The following CYP39A1 variants were observed in gnomAD, a reference collection of about 807,000 sequenced individuals.
CYP39A1 encodes cytochrome P450 family 39 subfamily A member 1.
A neutral mutation model predicts 58.1 loss-of-function variants in CYP39A1; 49 were observed. The ratio of observed to expected loss-of-function variants is 0.84; its 90% CI spans 0.67 to 1.07. The LOEUF (loss-of-function observed/expected upper bound fraction) is 1.07. CYP39A1 is among the 50% of genes least tolerant of loss of function. The probability of loss-of-function intolerance (pLI) is 0.00; values close to 1 mark genes in which losing one functional copy is unlikely to be tolerated. For missense variants in CYP39A1, 531 were observed against 539.4 expected (o/e 0.98, Z 0.16); for synonymous variants, 209 against 187.6 (o/e 1.11, Z -0.93).
chr6:46,573,429 A>G (rs772442922), intron 10 of CYP39A1, among the ~76,000 whole-genome samples: 40 of 152,102 alleles, frequency 2.6e-4, no homozygotes, highest in Non-Finnish European at 5.1e-4. Context: ...CCAAGGTTGT[A>G]GATGTATTTG....
intron 1 of CYP39A1, 67 bp downstream of exon 1, chr6:46,652,339 A>G: frequency 6.8e-7 from 1 of 1,470,030 alleles, no homozygotes; most frequent in Non-Finnish European, 9.2e-7. Flanking sequence ...CTTAAGAGTC[A>G]ATGAAAGAAA....
chr6:46,563,791 G>GGAC (rs1429622020), intron 10 of CYP39A1, among the ~76,000 whole-genome samples: 5 of 152,142 alleles, frequency 3.3e-5, no homozygotes, highest in African/African-American at 1.2e-4. Flanking sequence ...GGGGAGGAGT[G>GGAC]GACACTCTGT....
At chr6:46,616,430 T>C (rs994747605) in intron 7 of CYP39A1, among the ~76,000 whole-genome samples, 2 of 151,458 alleles carry the variant, frequency 1.3e-5, no homozygotes, top group African/African-American at 2.4e-5. Flanking sequence ...AGCTAACAAT[T>C]TTTTTAAGAG....
At chr6:46,629,768 G>A (rs577261943) in intron 6 of CYP39A1, among the ~76,000 whole-genome samples, 50 of 152,252 alleles carry the variant, frequency 3.3e-4, no homozygotes, top group Middle Eastern at 6.8e-3. Context: ...AAATCCTCCT[G>A]TTTAGTAGAA....
At chr6:46,583,410 AG>A in intron 10 of CYP39A1, 1 of 985,364 alleles carries the variant, frequency 1.0e-6, no homozygotes, top group South Asian at 4.7e-5. Flanking sequence ...CAACTCTCAG[AG>A]GTGCTCACTC....
chr6:46,646,653 A>T (rs2150607404), intron 1 of CYP39A1, among the ~76,000 whole-genome samples: 1 of 152,186 alleles, frequency 6.6e-6, no homozygotes, highest in Non-Finnish European at 1.5e-5. Context: ...TTTTTTAAAC[A>T]TTTGGTATAG....
intron 7 of CYP39A1, 60 bp from the exon 8 acceptor site, chr6:46,596,180 G>A (rs1773146928): frequency 1.5e-5 from 21 of 1,359,398 alleles, no homozygotes; most frequent in Admixed American, 2.1e-5. Flanking sequence ...GTGATTTCAC[G>A]TAAGCTCATC....
chr6:46,645,878 T>C (rs1159207623), intron 1 of CYP39A1, among the ~76,000 whole-genome samples: 2 of 152,126 alleles, frequency 1.3e-5, no homozygotes, highest in African/African-American at 4.8e-5. Context: ...AACATTTTGT[T>C]ACATTTATAC....
intron 7 of CYP39A1, among the ~76,000 whole-genome samples, chr6:46,604,636 T>A (rs989650248): frequency 2.0e-5 from 3 of 152,166 alleles, no homozygotes; most frequent in African/African-American, 7.2e-5. Context: ...AAGAATGAAA[T>A]CAGACCTTTT....
intron 10 of CYP39A1, among the ~76,000 whole-genome samples, chr6:46,563,115 C>CAAAA (rs59793245): frequency 2.4e-5 from 3 of 124,600 alleles, no homozygotes; most frequent in Non-Finnish European, 3.6e-5. Flanking sequence ...TTTACAGTGG[C>CAAAA]AAAAAAAAAA....
intron 6 of CYP39A1, among the ~76,000 whole-genome samples, chr6:46,629,472 G>A (rs1018517302): frequency 6.6e-6 from 1 of 152,150 alleles, no homozygotes; most frequent in Non-Finnish European, 1.5e-5. Context: ...CATAAAGAAG[G>A]GGAAGGGTTT....
chr6:46,601,471 G>A (rs1281196447), intron 7 of CYP39A1, among the ~76,000 whole-genome samples: 1 of 152,026 alleles, frequency 6.6e-6, no homozygotes, highest in Non-Finnish European at 1.5e-5. Flanking sequence ...TATCCCTCTA[G>A]TCCCATCTCA....
intron 7 of CYP39A1, among the ~76,000 whole-genome samples, chr6:46,616,886 C>T (rs1262546974): frequency 6.6e-6 from 1 of 151,878 alleles, no homozygotes; most frequent in African/African-American, 2.4e-5. Flanking sequence ...CACTGAATAC[C>T]ACAATCTGAC....
At chr6:46,644,361 T>C (rs1562022050) in intron 1 of CYP39A1, among the ~76,000 whole-genome samples, 1 of 152,186 alleles carries the variant, frequency 6.6e-6, no homozygotes, top group Admixed American at 6.6e-5. Context: ...CGACAGTTTA[T>C]TTAAACATTA....
chr6:46,572,327 A>G (rs961859831), intron 10 of CYP39A1, among the ~76,000 whole-genome samples: 6 of 152,074 alleles, frequency 3.9e-5, no homozygotes, highest in Non-Finnish European at 7.4e-5. Flanking sequence ...TTGAAGAAGT[A>G]CCTTTAGCAT....
intron 10 of CYP39A1, among the ~76,000 whole-genome samples, chr6:46,572,063 C>T (rs1479522780): frequency 6.6e-6 from 1 of 151,934 alleles, no homozygotes; most frequent in African/African-American, 2.4e-5. Context: ...TCTCTCCTAC[C>T]CCCACATGCA....
At chr6:46,638,591 T>C (rs639434) in intron 3 of CYP39A1, among the ~76,000 whole-genome samples, 113,129 of 152,122 alleles carry the variant, frequency 0.74, 42,219 homozygotes, top group Admixed American at 0.8. Flanking sequence ...CCTTCATAAT[T>C]TCCTCCACCC....
rs554728178 is a variant in CYP39A1 at position 46,561,363 on chromosome 6, T to G, written c.1251-7509A>C. ...GATAAAAGGCCCCTGCCACTCTTCCTCTCAAGTCCCTAGAGGCACTGCAAC... is the reference window on the plus strand; with the variant it reads ...GATAAAAGGCCCCTGCCACTCTTCCGCTCAAGTCCCTAGAGGCACTGCAAC... On this transcript the variant is annotated intron_variant, in intron 10 of 11. Transcript: ENST00000275016. Among the ~76,000 whole-genome samples the G allele has an allele frequency of 1.1e-4, 16 of 152,220 alleles. No individual in the cohort carries two copies. In the East Asian group the frequency reaches 3.1e-3, roughly 30 times the overall value.
At chr6:46,617,736 C>T (rs149726923) in intron 7 of CYP39A1, among the ~76,000 whole-genome samples, 3 of 152,174 alleles carry the variant, frequency 2.0e-5, no homozygotes, top group African/African-American at 4.8e-5. Flanking sequence ...TCACATTCCT[C>T]GTGCATAAAA....
Sources: gnomAD v4.1 joint callset for allele counts (sites outside exome capture counted in the v4.1 genomes callset) on GRCh38, gnomAD v4.1.1 for gene constraint, MANE v1.5 for transcripts, NCBI Gene and HGNC (gene_info 2026-07-23, HGNC 2026-07-21) for gene names.